LRRC4C: variants seen among roughly 807,000 people sequenced by gnomAD.
LRRC4C encodes leucine rich repeat containing 4C, also known as leucine-rich repeat-containing protein 4C.
LRRC4C carries 5 observed loss-of-function variants against 33.6 expected under a neutral mutation model. That is an observed-to-expected ratio of 0.15 (90% CI 0.08 to 0.31). The LOEUF (loss-of-function observed/expected upper bound fraction) is 0.31, where lower values mean the gene tolerates loss of function less well. Among genes scored for constraint, LRRC4C ranks in the 10% least tolerant of loss-of-function variants. LRRC4C has a pLI of 1.00. For missense variants in LRRC4C, 560 were observed against 796.7 expected (o/e 0.70, Z 3.58); for synonymous variants, 329 against 302.0 (o/e 1.09, Z -0.93).
intron 1 of LRRC4C, among the ~76,000 whole-genome samples, chr11:41,176,123 C>A (rs555658143): frequency 2.0e-5 from 3 of 152,106 alleles, no homozygotes; most frequent in African/African-American, 7.2e-5. Context: ...TAACTGGATT[C>A]TATTGCATTC....
At chr11:40,960,148 G>A (rs894832930) in intron 1 of LRRC4C, among the ~76,000 whole-genome samples, 1 of 150,908 alleles carries the variant, frequency 6.6e-6, no homozygotes, top group African/African-American at 2.4e-5. Flanking sequence ...AGGAAGGAAG[G>A]AAGGAAGGAA....
intron 2 of LRRC4C, among the ~76,000 whole-genome samples, chr11:40,824,809 T>C (rs1451920635): frequency 6.6e-6 from 1 of 152,002 alleles, no homozygotes; most frequent in East Asian, 1.9e-4. Flanking sequence ...ATCTATCTAC[T>C]GAGCTGGTCA....
At chr11:41,442,767 C>T (rs1955680560) in intron 1 of LRRC4C, among the ~76,000 whole-genome samples, 1 of 152,020 alleles carries the variant, frequency 6.6e-6, no homozygotes, top group African/African-American at 2.4e-5. Context: ...CCGCGCCCGG[C>T]CTGTTGCTTC....
chr11:40,184,582 G>T (rs1861263695), intron 5 of LRRC4C, among the ~76,000 whole-genome samples: 1 of 152,102 alleles, frequency 6.6e-6, no homozygotes, highest in Non-Finnish European at 1.5e-5. Flanking sequence ...TCTTGGGGAG[G>T]TCATTGAATT....
intron 2 of LRRC4C, among the ~76,000 whole-genome samples, chr11:40,888,943 A>T (rs998784846): frequency 6.6e-6 from 1 of 152,008 alleles, no homozygotes; most frequent in African/African-American, 2.4e-5. Context: ...ATCGTTATTT[A>T]AGGCAATGAG....
intron 3 of LRRC4C, among the ~76,000 whole-genome samples, chr11:40,349,618 T>C (rs533449015): frequency 3.3e-5 from 5 of 152,212 alleles, no homozygotes; most frequent in Non-Finnish European, 7.4e-5. Context: ...TATACGATAG[T>C]TCTATTTTTA....
At chr11:41,036,393 T>C (rs1040015157) in intron 1 of LRRC4C, among the ~76,000 whole-genome samples, 2 of 151,846 alleles carry the variant, frequency 1.3e-5, no homozygotes, top group Admixed American at 6.6e-5. Context: ...TTACATTCAC[T>C]TTCTTCCTTT....
rs187909150 is a variant in LRRC4C at position 40,516,151 on chromosome 11, T to A, written c.-270+131991A>T. ...AGTGGCATTACTTGCATTATGACATTAATTGATAATATTAAGTGCTGTTAA... is the reference window on the plus strand; with the variant it reads ...AGTGGCATTACTTGCATTATGACATAAATTGATAATATTAAGTGCTGTTAA... On this transcript the variant is annotated intron_variant, in intron 3 of 6. Transcript: ENST00000528697. Among the ~76,000 whole-genome samples, 288 of 152,224 alleles carry A rather than the reference T, an allele frequency of 1.9e-3. 1 individual carries two copies. Among genetic ancestry groups the A allele is most frequent in the Non-Finnish European group, 3.5e-3 (236 of 67,978 alleles).
At chr11:40,828,554 G>A (rs1342746532) in intron 2 of LRRC4C, among the ~76,000 whole-genome samples, 2 of 151,764 alleles carry the variant, frequency 1.3e-5, no homozygotes, top group Non-Finnish European at 2.9e-5. Context: ...AAACATTCAG[G>A]TTTTTAGCAT....
intron 2 of LRRC4C, among the ~76,000 whole-genome samples, chr11:40,913,149 G>C (rs1956777582): frequency 6.6e-6 from 1 of 152,184 alleles, no homozygotes; most frequent in African/African-American, 2.4e-5. Context: ...GAGACAGAAA[G>C]TCAACAAGGA....
intron 5 of LRRC4C, among the ~76,000 whole-genome samples, chr11:40,236,405 T>C (rs533255195): frequency 6.6e-6 from 1 of 152,332 alleles, no homozygotes; most frequent in South Asian, 2.1e-4. Flanking sequence ...AAATAACTTT[T>C]AAAGATTCAA....
At chr11:40,566,086 G>GTTT in intron 3 of LRRC4C, among the ~76,000 whole-genome samples, 1,504 of 62,692 alleles carry the variant, frequency 0.024, 53 homozygotes, top group African/African-American at 0.062. Flanking sequence ...TTTTTACTAA[G>GTTT]TTTTTTTTTT....
At chr11:41,359,747 T>C (rs1480301116) in intron 1 of LRRC4C, among the ~76,000 whole-genome samples, 1 of 152,222 alleles carries the variant, frequency 6.6e-6, no homozygotes, top group East Asian at 1.9e-4. Flanking sequence ...GAAAATAAAG[T>C]GCCTGAGGTT....
chr11:40,805,536 G>A (rs1951207993), intron 2 of LRRC4C, among the ~76,000 whole-genome samples: 3 of 152,026 alleles, frequency 2.0e-5, no homozygotes, highest in Admixed American at 2.0e-4. Context: ...TCTAGTGATA[G>A]ACATATCTAT....
At chr11:41,279,381 AACACACACACACACACACACACAC>A (rs575973002) in intron 1 of LRRC4C, among the ~76,000 whole-genome samples, 2 of 126,384 alleles carry the variant, frequency 1.6e-5, no homozygotes, top group South Asian at 2.7e-4. Context: ...CACACACACA[AACACACACACACACACACACACAC>A]ACACACACAC....
intron 1 of LRRC4C, among the ~76,000 whole-genome samples, chr11:40,946,026 C>A (rs1489663567): frequency 6.6e-6 from 1 of 152,044 alleles, no homozygotes; most frequent in African/African-American, 2.4e-5. Flanking sequence ...TACAAATGAT[C>A]CTGTTGCTCA....
intron 2 of LRRC4C, among the ~76,000 whole-genome samples, chr11:40,657,463 C>G (rs982612415): frequency 6.6e-6 from 1 of 151,746 alleles, no homozygotes; most frequent in African/African-American, 2.4e-5. Context: ...AAGGTGGAAA[C>G]TGCTTAGGGC....
At chr11:40,962,080 G>T (rs1851014203) in intron 1 of LRRC4C, among the ~76,000 whole-genome samples, 1 of 151,522 alleles carries the variant, frequency 6.6e-6, no homozygotes, top group African/African-American at 2.4e-5. Context: ...ATGTCCTGAT[G>T]CCCCAGACCT....
intron 1 of LRRC4C, among the ~76,000 whole-genome samples, chr11:40,958,750 A>C (rs975066236): frequency 7.9e-5 from 12 of 151,792 alleles, no homozygotes; most frequent in Non-Finnish European, 7.4e-5. Context: ...TGAAATCTCA[A>C]ATCTTGAATT....
Sources: allele counts gnomAD v4.1 joint callset (sites outside exome capture counted in the v4.1 genomes callset), GRCh38; gene constraint gnomAD v4.1.1; transcripts MANE v1.5; gene names NCBI Gene and HGNC (gene_info 2026-07-23, HGNC 2026-07-21).